VCPIP1: variants seen among roughly 807,000 people sequenced by gnomAD.
VCPIP1 encodes valosin containing protein interacting protein 1.
A neutral mutation model predicts 85.0 loss-of-function variants in VCPIP1; 8 were observed. The observed-to-expected ratio is 0.09, with a 90% CI of 0.06 to 0.17. VCPIP1 has a LOEUF of 0.17. VCPIP1 is among the 10% of genes least tolerant of loss of function. VCPIP1 has a pLI of 1.00. For missense variants in VCPIP1, 1,070 were observed against 1,486.3 expected (o/e 0.72, Z 4.61); for synonymous variants, 543 against 544.5 (o/e 1.00, Z 0.04).
chr8:66,649,800 A>G (rs1811034760), intron 2 of VCPIP1, among the ~76,000 whole-genome samples: 1 of 152,202 alleles, frequency 6.6e-6, no homozygotes, highest in African/African-American at 2.4e-5. Flanking sequence ...TATGTTTGTC[A>G]AAATTCATAT....
Position 66,635,087 on chromosome 8 carries a change from T to C in VCPIP1, c.3083A>G (p.Lys1028Arg). The change falls in exon 3 of 3, where the codon AAA becomes AGA. Residue 1028 changes from lysine (K) to arginine (R), a missense_variant. Lys to Arg is a conservative substitution (Grantham distance 26, BLOSUM62 2). This residue lies in a region of VCPIP1 where 255 missense variants were observed against 289.5 expected (regional missense o/e 0.88). Coordinates refer to ENST00000310421, the MANE Select transcript of VCPIP1 (RefSeq NM_025054.5). ...AGATGCAGTTCCTAAAGAATGCCCT[T>C]TTCCCTGAAAGGCAGTTACGTTATG... ...QLHNVTAFQG[K>R]GHSLGTASGN... is the part of the protein sequence containing the mutation. 6.2e-7 allele frequency: 1 copy of C among 1,614,250 alleles called. No individual in the cohort carries two copies. The highest frequency in any genetic ancestry group is 8.5e-7 in the Non-Finnish European group (1 of 1,180,050).
At chr8:66,645,978 C>CATT (rs111959199) in intron 2 of VCPIP1, among the ~76,000 whole-genome samples, 20,150 of 151,786 alleles carry the variant, frequency 0.13, 3,176 homozygotes, top group African/African-American at 0.38. Context: ...TCAAAAGACT[C>CATT]GTTGTCAAGA....
intron 2 of VCPIP1, among the ~76,000 whole-genome samples, chr8:66,635,936 A>G (rs62512609): frequency 6.7e-6 from 1 of 149,896 alleles, no homozygotes; most frequent in Non-Finnish European, 1.5e-5. Flanking sequence ...AAAAAAAAGA[A>G]TGGAGCTTGA....
chr8:66,667,006 A>C lies in VCPIP1; in HGVS notation c.-48T>G, dbSNP rs552325432. 1.4e-4 allele frequency: 209 copies of C among 1,470,018 alleles called. No homozygotes were observed. Among genetic ancestry groups the C allele is most frequent in the Non-Finnish European group, 1.8e-4 (206 of 1,117,498 alleles). 91.1% of individuals were successfully genotyped at this position (1,470,018 alleles called of 1,614,324 possible). A position where few individuals can be genotyped will look rare whatever the true frequency, so the allele number is the denominator to read the frequency against. On this transcript the variant is annotated 5_prime_UTR_variant, in exon 1 of 3. Coordinates refer to ENST00000310421, the MANE Select transcript of VCPIP1 (RefSeq NM_025054.5). Reference sequence around the variant, plus strand: ...CTCCGCGTCCCAGGCGACCCTCAAAAGCTCATAGCCCAGACCCCCACCAAC... The same window carrying C: ...CTCCGCGTCCCAGGCGACCCTCAAACGCTCATAGCCCAGACCCCCACCAAC...
intron 2 of VCPIP1, among the ~76,000 whole-genome samples, chr8:66,648,729 G>A (rs1586625665): frequency 6.6e-6 from 1 of 151,892 alleles, no homozygotes; most frequent in Admixed American, 6.6e-5. Flanking sequence ...TAATTTTTTT[G>A]TATTTTTTGA....
chr8:66,636,128 C>A (rs945245468), intron 2 of VCPIP1, among the ~76,000 whole-genome samples: 3 of 148,796 alleles, frequency 2.0e-5, no homozygotes, highest in Non-Finnish European at 4.4e-5. Flanking sequence ...ACTGGGGAGG[C>A]TGAGGCAGGA....
chr8:66,667,040 G>A lies in VCPIP1; in HGVS notation c.-82C>T. ...CCCAGACCCCCACCAACCCGACTCG[G>A]TCCAGTCCAGGCCCAGGGCGAAGCA... On this transcript the variant is annotated 5_prime_UTR_variant, in exon 1 of 3. Coordinates refer to ENST00000310421, the MANE Select transcript of VCPIP1 (RefSeq NM_025054.5). 1.4e-6 allele frequency: 2 copies of A among 1,439,040 alleles called. No homozygotes were observed. Among genetic ancestry groups the A allele is most frequent in the Admixed American group, 2.9e-5 (1 of 34,906 alleles). The allele number at this position is 1,439,040 out of a possible 1,614,324, so 89.1% of individuals were successfully genotyped here. A position where few individuals can be genotyped will look rare whatever the true frequency, so the allele number is the denominator to read the frequency against.
At chr8:66,642,888 C>A (rs1365115251) in intron 2 of VCPIP1, among the ~76,000 whole-genome samples, 1 of 151,522 alleles carries the variant, frequency 6.6e-6, no homozygotes, top group Non-Finnish European at 1.5e-5. Context: ...ATCCAGATTA[C>A]TGGAATCCCC....
intron 1 of VCPIP1, among the ~76,000 whole-genome samples, chr8:66,661,631 G>A (rs188201594): frequency 0.011 from 1,742 of 151,762 alleles, 30 homozygotes; most frequent in African/African-American, 0.04. Context: ...AGCTACTCAG[G>A]AGGCTGAGGC....
rs143087127 is a variant in VCPIP1 at position 66,634,754 on chromosome 8, C to A, written c.3416G>T (p.Arg1139Met). The A allele has an allele frequency of 6.2e-7, 1 of 1,614,196 alleles. No individual in the cohort carries two copies. Among genetic ancestry groups the A allele is most frequent in the East Asian group, 2.2e-5 (1 of 44,882 alleles). The change falls in exon 3 of 3, where the codon AGG becomes ATG. Residue 1139 changes from arginine (R) to methionine (M), a missense_variant. Arg to Met is a moderately conservative substitution (Grantham distance 91). Transcript: ENST00000310421. ...TEQSPSDLPQ[R>M]KTEVVSSSAK... ...AGAAGAACTCACAACTTCTGTTTTC[C>A]TTTGAGGAAGATCAGATGGTGACTG...
At chr8:66,638,518 G>A (rs1028480316) in intron 2 of VCPIP1, among the ~76,000 whole-genome samples, 18 of 148,208 alleles carry the variant, frequency 1.2e-4, no homozygotes, top group African/African-American at 3.2e-4. Context: ...GGTGGCTCAC[G>A]CCTGTAATCC....
chr8:66,667,113 C>G lies in VCPIP1; in HGVS notation c.-155G>C. 2 of 1,391,056 alleles carry G rather than the reference C, an allele frequency of 1.4e-6. No homozygotes were observed. Among genetic ancestry groups the G allele is most frequent in the Non-Finnish European group, 1.9e-6 (2 of 1,072,276 alleles). The allele number at this position is 1,391,056 out of a possible 1,614,324, so 86.2% of individuals were successfully genotyped here. Reference sequence around the variant, plus strand: ...TCCTCCTCCTAAGCGAAGGCGGAAGCGCCGGACGTTGTTTCTCTTCTTACT... The same window carrying G: ...TCCTCCTCCTAAGCGAAGGCGGAAGGGCCGGACGTTGTTTCTCTTCTTACT... On this transcript the variant is annotated 5_prime_UTR_variant, in exon 1 of 3. Coordinates refer to ENST00000310421, the MANE Select transcript of VCPIP1 (RefSeq NM_025054.5).
At position 66,630,872 on chromosome 8, in the gene VCPIP1, GTTGTT is replaced by G. The variant is rs768295720; in HGVS notation, c.*3624_*3628del. The G allele has an allele frequency of 5.3e-5, 8 of 152,374 alleles. No homozygotes were observed. Among genetic ancestry groups the G allele is most frequent in the African/African-American group, 9.7e-5 (4 of 41,384 alleles). 9.4% of individuals were successfully genotyped at this position (152,374 alleles called of 1,614,324 possible). On this transcript the variant is annotated 3_prime_UTR_variant, in exon 3 of 3. Transcript: ENST00000310421. ...TACATGGGTGATATAGTTCCCCTTTGTTGTTTTATTTCTTAAATATACATTCTACT... is the reference window on the plus strand; with the variant it reads ...TACATGGGTGATATAGTTCCCCTTTGTTATTTCTTAAATATACATTCTACT...
chr8:66,642,660 C>T (rs1252521867), intron 2 of VCPIP1, among the ~76,000 whole-genome samples: 1 of 152,132 alleles, frequency 6.6e-6, no homozygotes, highest in Admixed American at 6.5e-5. Context: ...ATCTAATTGT[C>T]TGAGGACCAC....
Position 66,634,909 on chromosome 8 carries a change from T to C in VCPIP1, c.3261A>G (p.Gly1087=). 4 of 1,613,830 alleles carry C rather than the reference T, an allele frequency of 2.5e-6. No individual in the cohort carries two copies. The highest frequency in any genetic ancestry group is 3.4e-6 in the Non-Finnish European group (4 of 1,179,868). The part of the protein sequence containing the change: ...SNSELIRIAP[G]VVTMRDGRQL... The stretch of plus-strand genomic sequence containing the variant: ...GCCTGCCGTCTCTCATTGTTACTAC[T>C]CCAGGAGCTATTCGAATAAGCTCAC... The change falls in exon 3 of 3, where the codon GGA becomes GGG. Residue 1087 remains glycine (G), a synonymous_variant. Coordinates refer to ENST00000310421, the MANE Select transcript of VCPIP1 (RefSeq NM_025054.5).
chr8:66,645,311 G>A (rs1439367146), intron 2 of VCPIP1, among the ~76,000 whole-genome samples: 1 of 151,868 alleles, frequency 6.6e-6, no homozygotes, highest in African/African-American at 2.4e-5. Flanking sequence ...TCAGCTACTC[G>A]GGAAGCTGAG....
At chr8:66,651,349 C>A in intron 2 of VCPIP1, 109 bp downstream of exon 2, 2 of 847,286 alleles carry the variant, frequency 2.4e-6, no homozygotes, top group South Asian at 2.1e-5. Flanking sequence ...AGAATATAAA[C>A]CTAAAATTAA....
Position 66,666,053 on chromosome 8 carries a change from A to G in VCPIP1, c.906T>C (p.Pro302=), listed in dbSNP as rs1811205837. 5.6e-6 allele frequency: 9 copies of G among 1,614,170 alleles called. No individual in the cohort carries two copies. In the East Asian group the frequency reaches 1.8e-4, roughly 32 times the overall value. The change falls in exon 1 of 3, where the codon CCT becomes CCC. Residue 302 remains proline, a synonymous_variant. Transcript: ENST00000310421. This position sits in a 1 kb window ranked among gnomAD's most constrained non-coding sequence, Gnocchi z 6.3. The part of the protein sequence containing the change: ...IFGLANVLHR[P]IILLDSLSGM... ...CACTGAGGGAATCTAACAGAATAAT[A>G]GGACGATGTAGCACATTGGCAAGAC...
At chr8:66,661,511 G>A (rs959562219) in intron 1 of VCPIP1, among the ~76,000 whole-genome samples, 12 of 152,012 alleles carry the variant, frequency 7.9e-5, no homozygotes, top group African/African-American at 1.2e-4. Context: ...CGAGGCGGGC[G>A]GTTCATGAGA....
Sources: allele counts gnomAD v4.1 joint callset (sites outside exome capture counted in the v4.1 genomes callset), GRCh38; gene constraint gnomAD v4.1.1; regional missense constraint gnomAD v4.1.1; non-coding constraint Gnocchi (gnomAD v3.1); transcripts MANE v1.5; gene names NCBI Gene and HGNC (gene_info 2026-07-23, HGNC 2026-07-21).